The following POC1B variants were observed in gnomAD, a reference collection of about 807,000 sequenced individuals.
POC1B encodes the protein POC1 centriolar protein B, also known as POC1 centriolar protein homolog B.
Under a neutral mutation model 60.6 loss-of-function variants are expected in POC1B, and 44 were observed. The ratio of observed to expected loss-of-function variants is 0.73; its 90% CI spans 0.57 to 0.93. The LOEUF (loss-of-function observed/expected upper bound fraction) is 0.93. POC1B is among the 40% of genes least tolerant of loss of function. The pLI, the probability that POC1B is intolerant of heterozygous loss-of-function variation, is 0.00. For missense variants in POC1B, 555 were observed against 572.3 expected (o/e 0.97, Z 0.31); for synonymous variants, 180 against 198.9 (o/e 0.90, Z 0.80).
At chr12:89,509,086 T>C (rs1372183185) in intron 2 of POC1B, among the ~76,000 whole-genome samples, 1 of 152,226 alleles carries the variant, frequency 6.6e-6, no homozygotes, top group East Asian at 1.9e-4. Context: ...CATCATTCTA[T>C]GATTTACTAC....
At chr12:89,429,647 C>G (rs1250907710) in intron 10 of POC1B, among the ~76,000 whole-genome samples, 2 of 152,142 alleles carry the variant, frequency 1.3e-5, no homozygotes, top group African/African-American at 4.8e-5. Flanking sequence ...TGCCCGCTCT[C>G]AAGGATTCCC....
intron 2 of POC1B, chr12:89,501,868 CAA>C (rs1869587868): frequency 8.4e-7 from 1 of 1,196,862 alleles, no homozygotes; most frequent in African/African-American, 1.5e-5. Flanking sequence ...TAAAGACAGC[CAA>C]AGAGTACAGA....
chr12:89,437,640 C>T (rs1349667772), intron 10 of POC1B, among the ~76,000 whole-genome samples: 1 of 151,216 alleles, frequency 6.6e-6, no homozygotes, highest in Non-Finnish European at 1.5e-5. Context: ...AAACACTCCA[C>T]TAATTACCCC....
chr12:89,494,631 C>T (rs955189997), intron 3 of POC1B, among the ~76,000 whole-genome samples: 1 of 152,148 alleles, frequency 6.6e-6, no homozygotes, highest in Non-Finnish European at 1.5e-5. Context: ...GGTGTTGTGA[C>T]TTTACTCTGA....
chr12:89,460,576 ATCAACAGT>A (rs1882447341), intron 9 of POC1B: 1 of 152,204 alleles, frequency 6.6e-6, no homozygotes, highest in Non-Finnish European at 1.5e-5. Flanking sequence ...CTAAGTGTCT[ATCAACAGT>A]TAAACAGGCT....
At chr12:89,491,727 T>C (rs1392018047) in intron 4 of POC1B, among the ~76,000 whole-genome samples, 1 of 152,126 alleles carries the variant, frequency 6.6e-6, no homozygotes, top group Non-Finnish European at 1.5e-5. Flanking sequence ...CTGCTCCATT[T>C]TCCTACTTGT....
intron 2 of POC1B, chr12:89,501,955 T>C (rs1271997809): frequency 5.0e-6 from 5 of 992,792 alleles, no homozygotes; most frequent in East Asian, 4.7e-5. Context: ...GAGTGAGCCA[T>C]TGGAAAGTGA....
At position 89,492,103 on chromosome 12, in the gene POC1B, G is replaced by A; in HGVS notation, c.285C>T (p.Phe95=). ...GAGCTGTATGAGCTTTAAATTCTGA[G>A]AATTTTCCTCTCCTGGAAATAAACA... The part of the protein sequence containing the change: ...RLWIPDKRGK[F]SEFKAHTAPV... The change falls in exon 4 of 12, where the codon TTC becomes TTT. Residue 95 remains phenylalanine, a synonymous_variant. Coordinates refer to ENST00000313546, the MANE Select transcript of POC1B (RefSeq NM_172240.3). 1 of 1,550,804 alleles carries A rather than the reference G, an allele frequency of 6.4e-7. No individual in the cohort carries two copies. Among genetic ancestry groups the A allele is most frequent in the Non-Finnish European group, 8.7e-7 (1 of 1,153,842 alleles).
intron 4 of POC1B, among the ~76,000 whole-genome samples, chr12:89,488,705 T>C (rs1243742570): frequency 6.6e-6 from 1 of 152,152 alleles, no homozygotes; most frequent in Non-Finnish European, 1.5e-5. Context: ...CAGGCTGGTT[T>C]TGAACTCCTG....
the POC1B span, among the ~76,000 whole-genome samples, chr12:89,412,766 G>A: frequency 6.6e-6 from 1 of 151,822 alleles, no homozygotes; most frequent in Non-Finnish European, 1.5e-5. Flanking sequence ...GCCATGTCTT[G>A]GTTTCGAGTT....
intron 2 of POC1B, chr12:89,499,982 C>A: frequency 1.3e-6 from 1 of 761,542 alleles, no homozygotes; most frequent in South Asian, 1.6e-5. Context: ...AAGGGTGTTG[C>A]TTGGCCGCCG....
chr12:89,466,922 C>T lies in POC1B; in HGVS notation c.880G>A (p.Val294Ile), dbSNP rs764478624. ...TCAAAGTTAGTCCTCCATAATAAGA[C>T]CTATGAAAAAAGTCAATGATGTTGG... ...LFASGGADTQ[V>I]LLWRTNFDEL... The change falls in exon 9 of 12, where the codon GTC (valine) becomes ATC (isoleucine). Residue 294 changes from valine to isoleucine, a missense_variant and splice_region_variant. Val to Ile is a conservative substitution (Grantham distance 29, BLOSUM62 3). Coordinates refer to ENST00000313546, the MANE Select transcript of POC1B (RefSeq NM_172240.3). 2 of 1,604,846 alleles carry T rather than the reference C, an allele frequency of 1.2e-6. No individual in the cohort carries two copies. Among genetic ancestry groups the T allele is most frequent in the Non-Finnish European group, 1.7e-6 (2 of 1,175,166 alleles).
At chr12:89,525,658 G>C in intron 1 of POC1B, 1 of 1,262,518 alleles carries the variant, frequency 7.9e-7, no homozygotes. Flanking sequence ...CCGGAGCTCC[G>C]GAACTCGGGG....
chr12:89,508,472 A>T (rs1249316986), intron 2 of POC1B, among the ~76,000 whole-genome samples: 1 of 152,198 alleles, frequency 6.6e-6, no homozygotes, highest in Non-Finnish European at 1.5e-5. Context: ...CACAAAAGTT[A>T]TGTTGTACCC....
rs138741705 is a variant in POC1B at position 89,435,995 on chromosome 12, A to C, written c.1114-10616T>G. 2.6e-4 allele frequency among the ~76,000 whole-genome samples: 39 copies of C among 149,970 alleles called. No homozygotes were observed. In the East Asian group the frequency reaches 7.5e-3, roughly 29 times the overall value. On this transcript the variant is annotated intron_variant, in intron 10 of 11. Transcript: ENST00000313546. ...GAATCTCACTATGTCGCCAGGCTGG[A>C]ATGTAGTGGCACGATCTCGACTCAC...
intron 2 of POC1B, chr12:89,523,499 T>C: frequency 6.2e-7 from 1 of 1,612,138 alleles, no homozygotes; most frequent in Non-Finnish European, 8.5e-7. Flanking sequence ...ATCTCCAATT[T>C]GCCACCACAC....
chr12:89,474,069 G>A (rs946683334), intron 4 of POC1B, among the ~76,000 whole-genome samples: 2 of 151,790 alleles, frequency 1.3e-5, no homozygotes, highest in East Asian at 3.9e-4. Context: ...AGTGGGGCAT[G>A]GTGGCAGGTG....
chr12:89,473,139 G>A (rs867042960), intron 4 of POC1B, among the ~76,000 whole-genome samples: 2 of 151,798 alleles, frequency 1.3e-5, no homozygotes, highest in Non-Finnish European at 2.9e-5. Flanking sequence ...GACAGATTTG[G>A]GTCACAGACT....
chr12:89,522,490 C>T (rs867735627), intron 2 of POC1B: 4 of 344,414 alleles, frequency 1.2e-5, no homozygotes, highest in African/African-American at 2.1e-5. Context: ...TTACTTGGAC[C>T]TTTACATTCT....
Sources: allele counts gnomAD v4.1 joint callset (sites outside exome capture counted in the v4.1 genomes callset), GRCh38; gene constraint gnomAD v4.1.1; transcripts MANE v1.5; gene names NCBI Gene and HGNC (gene_info 2026-07-23, HGNC 2026-07-21).